Variants in CCDC33 observed in about 807,000 individuals in gnomAD.
CCDC33 encodes coiled-coil domain containing 33.
CCDC33 carries 94 observed loss-of-function variants against 91.9 expected under a neutral mutation model. The ratio of observed to expected loss-of-function variants is 1.02; its 90% CI spans 0.87 to 1.21. CCDC33 has a LOEUF of 1.21. Ranked by LOEUF, CCDC33 falls within the 50% of genes most tolerant of loss-of-function variation. The pLI is 0.00. For missense variants in CCDC33, 940 were observed against 935.5 expected, an observed-to-expected ratio of 1.00 and a Z score of -0.06; for synonymous variants, 396 against 374.5, an observed-to-expected ratio of 1.06 and a Z score of -0.66.
intron 2 of CCDC33, among the ~76,000 whole-genome samples, chr15:74,246,919 G>A (rs1323194582): frequency 2.0e-5 from 3 of 152,166 alleles, no homozygotes; most frequent in African/African-American, 7.2e-5. Flanking sequence ...GGCCGAGGTG[G>A]GCGGATCACA....
At chr15:74,282,346 G>C (rs2059385420) in intron 10 of CCDC33, among the ~76,000 whole-genome samples, 1 of 152,080 alleles carries the variant, frequency 6.6e-6, no homozygotes, top group Admixed American at 6.6e-5. Context: ...TGCAGTGCCG[G>C]ACTCACATCC....
At chr15:74,243,683 G>A (rs1309400137) in intron 1 of CCDC33, 2 of 474,434 alleles carry the variant, frequency 4.2e-6, no homozygotes, top group Non-Finnish European at 8.3e-6. Context: ...AGGGCCAGGT[G>A]CAGTAACTCA....
intron 4 of CCDC33, 24 bp from the exon 5 acceptor site, chr15:74,268,318 C>T: frequency 2.6e-6 from 4 of 1,561,858 alleles, no homozygotes; most frequent in Non-Finnish European, 3.5e-6. Flanking sequence ...TCCTCTGTGT[C>T]TTCTGCCCCA....
chr15:74,335,056 C>A lies in CCDC33; in HGVS notation c.2107C>A (p.His703Asn), dbSNP rs2060535872. The change falls in exon 18 of 19, where the codon CAC (histidine) becomes AAC (asparagine). Residue 703 changes from histidine (H) to asparagine (N), a missense_variant. By Grantham distance (68) the His-to-Asn change is moderately conservative. Transcript: ENST00000398814. ...GCAGGAGCAAGAAAAAGGTTTCAGG[C>A]ACCCCTCGAACTCCATCATCATAGA... ...RLQEQEKGFR[H>N]PSNSIIIEQP... 4 of 1,614,076 alleles carry A rather than the reference C, an allele frequency of 2.5e-6. No homozygotes were observed. Among genetic ancestry groups the A allele is most frequent in the Middle Eastern group, 3.3e-4 (2 of 6,062 alleles).
At chr15:74,294,615 C>T (rs1234965097) in intron 10 of CCDC33, among the ~76,000 whole-genome samples, 3 of 151,776 alleles carry the variant, frequency 2.0e-5, no homozygotes, top group South Asian at 2.1e-4. Flanking sequence ...GGTGTGGTGG[C>T]GGATGCCTGT....
chr15:74,308,601 G>A (rs537966133), intron 11 of CCDC33, among the ~76,000 whole-genome samples: 2 of 152,186 alleles, frequency 1.3e-5, no homozygotes, highest in Non-Finnish European at 2.9e-5. Context: ...CTTCAAGGAG[G>A]GGGGACAGCG....
chr15:74,295,531 G>A (rs774388250), intron 10 of CCDC33, among the ~76,000 whole-genome samples: 152 of 152,160 alleles, frequency 1.0e-3, no homozygotes, highest in Non-Finnish European at 1.9e-3. Context: ...AAATGCAAAG[G>A]CCCTGAGGCA....
chr15:74,213,743 A>G (rs1018942023), upstream of CCDC33, among the ~76,000 whole-genome samples: 3 of 152,146 alleles, frequency 2.0e-5, no homozygotes, highest in African/African-American at 7.2e-5. Flanking sequence ...GGCCTCTGGC[A>G]CTGTGGACTT....
At chr15:74,324,176 C>T (rs1347418679) in intron 11 of CCDC33, among the ~76,000 whole-genome samples, 2 of 151,380 alleles carry the variant, frequency 1.3e-5, no homozygotes, top group Non-Finnish European at 2.9e-5. Context: ...GCATGCCTCT[C>T]GAATCACTCT....
At chr15:74,273,037 T>C in intron 7 of CCDC33, 146 bp downstream of exon 7, 2 of 1,152,062 alleles carry the variant, frequency 1.7e-6, no homozygotes, top group Non-Finnish European at 2.5e-6. Flanking sequence ...TGTGCTCGCC[T>C]GTGCGGCAGA....
At chr15:74,271,598 T>C (rs1025543956) in intron 5 of CCDC33, 105 bp from the exon 6 acceptor site, 2 of 764,414 alleles carry the variant, frequency 2.6e-6, no homozygotes, top group African/African-American at 1.7e-5. Flanking sequence ...GAGGCAGCCA[T>C]GAGCTCACGG....
chr15:74,330,129 GATGT>G, intron 11 of CCDC33, 56 bp from the exon 12 acceptor site: 2 of 1,513,328 alleles, frequency 1.3e-6, no homozygotes, highest in South Asian at 1.3e-5. Context: ...TGTAGATGTG[GATGT>G]GGGACCAGGG....
chr15:74,311,528 G>A (rs1457491695), intron 11 of CCDC33: 2 of 152,208 alleles, frequency 1.3e-5, no homozygotes, highest in East Asian at 1.9e-4. Flanking sequence ...AGTTATTCTG[G>A]GTTTATTGAC....
chr15:74,205,204 G>T (rs2074233078), intron 1 of CCDC33, among the ~76,000 whole-genome samples: 2 of 152,168 alleles, frequency 1.3e-5, no homozygotes, highest in Non-Finnish European at 2.9e-5. Context: ...AGAGGGGAGA[G>T]AGGGAGGTAC....
At chr15:74,321,535 G>C (rs1317952135) in intron 11 of CCDC33, among the ~76,000 whole-genome samples, 1 of 152,172 alleles carries the variant, frequency 6.6e-6, no homozygotes, top group Non-Finnish European at 1.5e-5. Context: ...AAAGTGCTGA[G>C]ATTACAGGCA....
At chr15:74,233,588 C>T (rs1032493071), upstream of CCDC33, among the ~76,000 whole-genome samples, 23 of 152,314 alleles carry the variant, frequency 1.5e-4, no homozygotes, top group African/African-American at 5.3e-4. Flanking sequence ...CACACCCCAC[C>T]CCTTAAGGTG....
chr15:74,240,988 TG>T (rs1453594659), intron 1 of CCDC33, among the ~76,000 whole-genome samples: 1 of 152,174 alleles, frequency 6.6e-6, no homozygotes, highest in African/African-American at 2.4e-5. Flanking sequence ...GGGGGGGTCA[TG>T]GTGGCCTGCA....
intron 11 of CCDC33, chr15:74,318,764 C>A (rs1006297047): frequency 1.4e-5 from 9 of 666,662 alleles, no homozygotes; most frequent in African/African-American, 3.7e-5. Context: ...GTTCCCAGAG[C>A]CTCTTAAGTG....
chr15:74,253,852 C>A (rs2075784288), intron 2 of CCDC33, among the ~76,000 whole-genome samples: 1 of 151,946 alleles, frequency 6.6e-6, no homozygotes, highest in African/African-American at 2.4e-5. Context: ...GGTTGTCAAC[C>A]CTCTTCATTT....
Sources: gnomAD v4.1 joint callset for allele counts (sites outside exome capture counted in the v4.1 genomes callset) on GRCh38, gnomAD v4.1.1 for gene constraint, MANE v1.5 for transcripts, NCBI Gene and HGNC (gene_info 2026-07-23, HGNC 2026-07-21) for gene names.